The following IGF2BP2 variants were observed in gnomAD, a reference collection of about 807,000 sequenced individuals.
IGF2BP2 encodes insulin like growth factor 2 mRNA binding protein 2.
In IGF2BP2, 17 loss-of-function variants were observed where a neutral mutation model predicts 75.8. The observed-to-expected ratio is 0.22, with a 90% CI of 0.15 to 0.34. The LOEUF is 0.34. Ranked by LOEUF, IGF2BP2 falls within the 10% of genes least tolerant of loss-of-function variation. The pLI, the probability that IGF2BP2 is intolerant of heterozygous loss-of-function variation, is 1.00. For missense variants in IGF2BP2, 516 were observed against 772.4 expected (o/e 0.67, Z 3.93); for synonymous variants, 288 against 295.6 (o/e 0.97, Z 0.26).
At chr3:185,739,668 C>T (rs1050359340) in intron 2 of IGF2BP2, among the ~76,000 whole-genome samples, 1 of 151,936 alleles carries the variant, frequency 6.6e-6, no homozygotes, top group African/African-American at 2.4e-5. Flanking sequence ...CCCAGACACG[C>T]GAAGCTTCTC....
intron 2 of IGF2BP2, among the ~76,000 whole-genome samples, chr3:185,783,155 C>T (rs541071842): frequency 2.0e-5 from 3 of 152,286 alleles, no homozygotes; most frequent in South Asian, 2.1e-4. Context: ...AGTTGAGACA[C>T]ACAAGATACT....
chr3:185,721,486 C>A (rs1726536775), intron 2 of IGF2BP2, among the ~76,000 whole-genome samples: 1 of 152,078 alleles, frequency 6.6e-6, no homozygotes, highest in Non-Finnish European at 1.5e-5. Context: ...ACAGGCATAG[C>A]CACTGCACCA....
At chr3:185,735,190 G>A (rs1159237207) in intron 2 of IGF2BP2, among the ~76,000 whole-genome samples, 1 of 149,890 alleles carries the variant, frequency 6.7e-6, no homozygotes, top group Non-Finnish European at 1.5e-5. Context: ...CTGTCGCCCA[G>A]GCTGGAGTGC....
chr3:185,704,076 T>C (rs779921046), intron 2 of IGF2BP2, among the ~76,000 whole-genome samples: 3 of 152,162 alleles, frequency 2.0e-5, no homozygotes, highest in Non-Finnish European at 4.4e-5. Flanking sequence ...AGAGCGTCCT[T>C]TGGGGCTCCA....
At position 185,672,601 on chromosome 3, in the gene IGF2BP2, C is replaced by A. The variant is rs372827252; in HGVS notation, c.1140G>T (p.Val380=). 3 of 1,613,860 alleles carry A rather than the reference C, an allele frequency of 1.9e-6. No individual in the cohort carries two copies. The Admixed American group carries it at 5.0e-5, about 27-fold the overall frequency. The change falls in exon 10 of 16, where the codon GTG becomes GTT. Residue 380 remains valine, a synonymous_variant. Transcript: ENST00000382199. Reference sequence around the variant, plus strand: ...CGCGGGGCCCTGCTGGTGGAGATAGCACGGACAGTCCTGTTGAAAAGATGC... The same window carrying A: ...CGCGGGGCCCTGCTGGTGGAGATAGAACGGACAGTCCTGTTGAAAAGATGC... The part of the protein sequence containing the change: ...ALGIFSTGLS[V]LSPPAGPRGA...
At chr3:185,666,505 G>T (rs1206725188) in intron 10 of IGF2BP2, among the ~76,000 whole-genome samples, 1 of 152,080 alleles carries the variant, frequency 6.6e-6, no homozygotes, top group Non-Finnish European at 1.5e-5. Flanking sequence ...GTGGTGGTGG[G>T]CATCTGTAAT....
intron 6 of IGF2BP2, among the ~76,000 whole-genome samples, chr3:185,688,229 G>T (rs975594565): frequency 5.3e-5 from 8 of 152,286 alleles, no homozygotes; most frequent in African/African-American, 1.9e-4. Context: ...TAATTATTAT[G>T]TGTCAGTAAT....
chr3:185,783,208 A>G (rs1001817755), intron 2 of IGF2BP2, among the ~76,000 whole-genome samples: 2 of 152,182 alleles, frequency 1.3e-5, no homozygotes, highest in African/African-American at 2.4e-5. Context: ...AACAGCAATA[A>G]AAGTAAATGT....
chr3:185,818,518 A>G (rs544044137), intron 2 of IGF2BP2, among the ~76,000 whole-genome samples: 1 of 152,326 alleles, frequency 6.6e-6, no homozygotes, highest in Non-Finnish European at 1.5e-5. Flanking sequence ...CTGTTGTTCA[A>G]TTAAAGATCT....
intron 2 of IGF2BP2, among the ~76,000 whole-genome samples, chr3:185,784,027 G>T (rs1735548315): frequency 6.6e-6 from 1 of 152,118 alleles, no homozygotes; most frequent in Admixed American, 6.5e-5. Context: ...CTGAGGTCAG[G>T]AGTTCAAGAC....
chr3:185,657,492 C>G, intron 11 of IGF2BP2, 90 bp from the exon 12 acceptor site: 1 of 977,500 alleles, frequency 1.0e-6, no homozygotes, highest in South Asian at 1.6e-5. Context: ...TACCATGAAC[C>G]CCATGGTGGG....
Position 185,823,211 on chromosome 3 carries a change from T to C in IGF2BP2, c.181A>G (p.Lys61Glu). 1 of 1,608,976 alleles carries C rather than the reference T, an allele frequency of 6.2e-7. No homozygotes were observed. The highest frequency in any genetic ancestry group is 8.5e-7 in the Non-Finnish European group (1 of 1,176,964). Residue 61 changes from lysine to glutamate, a missense_variant and splice_region_variant, in exon 2 of 16, where the codon AAA (lysine) becomes GAA (glutamate). By Grantham distance (56) the Lys-to-Glu change is moderately conservative. Transcript: ENST00000382199. ...AIRAIETLSG[K>E]VELHGKIMEV... ...ATGATTTTCCCATGCAATTCCACTT[T>C]ACCTTTAAAACAGAAATTAAAGCAC...
chr3:185,816,546 G>A (rs957925201), intron 2 of IGF2BP2, among the ~76,000 whole-genome samples: 1 of 152,072 alleles, frequency 6.6e-6, no homozygotes, highest in Non-Finnish European at 1.5e-5. Flanking sequence ...AATGTAAAAC[G>A]TTAAATGGGG....
chr3:185,770,750 G>C (rs905867844), intron 2 of IGF2BP2, among the ~76,000 whole-genome samples: 3 of 152,160 alleles, frequency 2.0e-5, no homozygotes, highest in African/African-American at 7.2e-5. Flanking sequence ...AAAGGTTTCT[G>C]TTCTATTTGT....
intron 7 of IGF2BP2, among the ~76,000 whole-genome samples, chr3:185,685,809 T>C (rs776086742): frequency 4.6e-5 from 7 of 152,204 alleles, no homozygotes; most frequent in Non-Finnish European, 1.0e-4. Flanking sequence ...GTCTAACTAA[T>C]TTTTTAAATT....
At chr3:185,805,770 CTTT>C (rs1254141059) in intron 2 of IGF2BP2, among the ~76,000 whole-genome samples, 9 of 136,514 alleles carry the variant, frequency 6.6e-5, no homozygotes, top group Admixed American at 7.4e-5. Context: ...TGAAGTAAAT[CTTT>C]TTTTTTTTTT....
At chr3:185,677,042 G>GATATATATATATAT (rs1491394053) in intron 7 of IGF2BP2, among the ~76,000 whole-genome samples, 1 of 21,618 alleles carries the variant, frequency 4.6e-5, no homozygotes, top group African/African-American at 2.2e-4. Context: ...TATATATATG[G>GATATATATATATAT]AGATATATAT....
rs193243277 is a variant in IGF2BP2, at chr3:185,677,513, T to C, written c.813-1600A>G. 2.8e-3 allele frequency among the ~76,000 whole-genome samples: 429 copies of C among 152,080 alleles called. 1 individual carries two copies. Among genetic ancestry groups the C allele is most frequent in the Non-Finnish European group, 4.7e-3 (317 of 67,988 alleles). On this transcript the variant is annotated intron_variant, in intron 7 of 15. Transcript: ENST00000382199. ...CACAGAGACTGTGAGAGGTGGTTGT[T>C]TTTTCAAATGCCCAAATCCCAACAA...
At chr3:185,816,591 A>G (rs1481983516) in intron 2 of IGF2BP2, among the ~76,000 whole-genome samples, 2 of 152,218 alleles carry the variant, frequency 1.3e-5, no homozygotes, top group Non-Finnish European at 2.9e-5. Flanking sequence ...AGGGACCTCA[A>G]AAGACCTGGG....
Sources: allele counts gnomAD v4.1 joint callset (sites outside exome capture counted in the v4.1 genomes callset), GRCh38; gene constraint gnomAD v4.1.1; transcripts MANE v1.5; gene names NCBI Gene and HGNC (gene_info 2026-07-23, HGNC 2026-07-21).